The following PFKFB3 variants were observed in gnomAD, a reference collection of about 807,000 sequenced individuals.
The protein encoded by PFKFB3 is 6-phosphofructo-2-kinase/fructose-2,6-biphosphatase 3, also known as 6-phosphofructo-2-kinase/fructose-2,6-bisphosphatase 3.
In PFKFB3, 33 loss-of-function variants were observed where a neutral mutation model predicts 68.0. The ratio of observed to expected loss-of-function variants is 0.49; its 90% CI spans 0.37 to 0.65. The LOEUF (loss-of-function observed/expected upper bound fraction) is 0.65. Among genes scored for constraint, PFKFB3 ranks in the 30% least tolerant of loss-of-function variants. PFKFB3 has a pLI of 0.00. For missense variants in PFKFB3, 586 were observed against 712.2 expected (o/e 0.82, Z 2.02); for synonymous variants, 315 against 288.2 (o/e 1.09, Z -0.94).
the PFKFB3 span, among the ~76,000 whole-genome samples, chr10:6,301,889 T>C: frequency 6.6e-6 from 1 of 152,218 alleles, no homozygotes; most frequent in Non-Finnish European, 1.5e-5. Context: ...TGCTTTATTA[T>C]CTGCTCTGAT....
intron 9 of PFKFB3, 55 bp downstream of exon 9, chr10:6,221,582 C>A: frequency 1.2e-6 from 2 of 1,611,102 alleles, no homozygotes; most frequent in East Asian, 4.5e-5. Context: ...GGCGGCTTCC[C>A]AAGAGGCCCT....
chr10:6,315,632 C>T, the PFKFB3 span, among the ~76,000 whole-genome samples: 3 of 152,312 alleles, frequency 2.0e-5, no homozygotes, highest in South Asian at 6.2e-4. Context: ...TATAGACATG[C>T]ACCGCCATGG....
At chr10:6,259,070 A>T (rs189896056), downstream of PFKFB3, among the ~76,000 whole-genome samples, 189 of 152,260 alleles carry the variant, frequency 1.2e-3, no homozygotes, top group Admixed American at 2.0e-3. Context: ...CCATACACTC[A>T]TCCATCCATA....
chr10:6,212,990 G>C (rs1445573206), intron 1 of PFKFB3, among the ~76,000 whole-genome samples: 1 of 152,006 alleles, frequency 6.6e-6, no homozygotes, highest in African/African-American at 2.4e-5. Context: ...ACTCTCCCTC[G>C]GGAGAGGAAT....
At chr10:6,158,447 G>T (rs912331057) in intron 1 of PFKFB3, among the ~76,000 whole-genome samples, 4 of 152,214 alleles carry the variant, frequency 2.6e-5, no homozygotes, top group African/African-American at 9.6e-5. Flanking sequence ...AAATGAGGAA[G>T]CCTGATGGCT....
At chr10:6,177,404 C>CTTTCTT (rs1564599668) in intron 1 of PFKFB3, among the ~76,000 whole-genome samples, 1 of 135,786 alleles carries the variant, frequency 7.4e-6, no homozygotes, top group Non-Finnish European at 1.6e-5. Flanking sequence ...TTCTTTCTTT[C>CTTTCTT]TTTCTTCTTT....
the PFKFB3 span, among the ~76,000 whole-genome samples, chr10:6,303,598 A>G: frequency 1.1e-4 from 16 of 152,132 alleles, no homozygotes; most frequent in South Asian, 3.3e-3. Context: ...GTGGATTACG[A>G]GGTCAGGAGT....
Position 6,215,458 on chromosome 10 carries a change from T to C in PFKFB3, c.299+141T>C. ...TAAGGCTGGGCTGCGGGGCTGCGGG[T>C]GTAAGGCTGGGCTGCGGGCTTGGGC... On this transcript the variant is annotated intron_variant, in intron 3 of 14. Coordinates refer to ENST00000379775, the MANE Select transcript of PFKFB3 (RefSeq NM_004566.4). The surrounding 1 kb of genome is among the most constrained non-coding windows in gnomAD (Gnocchi z 4.3). The C allele has an allele frequency of 6.1e-6, 4 of 661,156 alleles. No homozygotes were observed. Among genetic ancestry groups the C allele is most frequent in the Non-Finnish European group, 1.1e-5 (4 of 376,348 alleles). 41.0% of individuals were successfully genotyped at this position (661,156 alleles called of 1,614,324 possible).
At chr10:6,260,400 C>T in the PFKFB3 span, among the ~76,000 whole-genome samples, 20 of 118,796 alleles carry the variant, frequency 1.7e-4, no homozygotes, top group African/African-American at 5.2e-4. Context: ...GGCGACAGAG[C>T]GAGACTCCGT....
downstream of PFKFB3, among the ~76,000 whole-genome samples, chr10:6,255,139 C>CT (rs113753232): frequency 3.8e-3 from 474 of 125,078 alleles, 2 homozygotes; most frequent in African/African-American, 0.012. Flanking sequence ...TTTTCTTCTT[C>CT]TTTTTTTTTT....
rs937575939 is a variant in PFKFB3 at position 6,233,970 on chromosome 10, T to C, written c.*1028T>C. ...CGCAGCCACTTCTTCAAGAGCTGCC[T>C]GCACACTGTCTTGGAGCATCTGCCT... On this transcript the variant is annotated 3_prime_UTR_variant, in exon 15 of 15. Coordinates refer to ENST00000379775, the MANE Select transcript of PFKFB3 (RefSeq NM_004566.4). 1.3e-5 allele frequency: 2 copies of C among 152,546 alleles called. No individual in the cohort carries two copies. The highest frequency in any genetic ancestry group is 2.9e-5 in the Non-Finnish European group (2 of 68,138). The allele number at this position is 152,546 out of a possible 1,614,324, so 9.4% of individuals were successfully genotyped here. A position where few individuals can be genotyped will look rare whatever the true frequency, so the allele number is the denominator to read the frequency against.
intron 14 of PFKFB3, among the ~76,000 whole-genome samples, chr10:6,252,969 A>T (rs544565499): frequency 6.6e-6 from 1 of 152,314 alleles, no homozygotes; most frequent in East Asian, 1.9e-4. Context: ...CCCAGGCTAG[A>T]GTGCAGTGGC....
At chr10:6,146,606 T>C in intron 1 of PFKFB3, 1 of 1,118,406 alleles carries the variant, frequency 8.9e-7, no homozygotes, top group East Asian at 2.6e-5. Flanking sequence ...ACTTCATCGC[T>C]TCTGCCCACT....
chr10:6,175,919 T>C (rs1322820406), intron 1 of PFKFB3, among the ~76,000 whole-genome samples: 1 of 152,194 alleles, frequency 6.6e-6, no homozygotes, highest in Non-Finnish European at 1.5e-5. Flanking sequence ...CATACAATCA[T>C]CTTGGCAGCA....
intron 1 of PFKFB3, among the ~76,000 whole-genome samples, chr10:6,192,286 G>T (rs1228940909): frequency 2.0e-5 from 3 of 150,490 alleles, no homozygotes; most frequent in African/African-American, 7.4e-5. Flanking sequence ...CATTGATCCA[G>T]CCCAGCCTGG....
chr10:6,283,614 T>C, the PFKFB3 span, among the ~76,000 whole-genome samples: 5 of 132,934 alleles, frequency 3.8e-5, no homozygotes, highest in South Asian at 1.2e-3. Flanking sequence ...TAAAGCAAGA[T>C]GGAAGCACTG....
chr10:6,204,606 C>A (rs747659511), intron 1 of PFKFB3, among the ~76,000 whole-genome samples: 9 of 152,204 alleles, frequency 5.9e-5, no homozygotes, highest in Non-Finnish European at 1.3e-4. Context: ...CAGGAGAGGT[C>A]TTGTTCCCCC....
At chr10:6,248,915 T>G (rs1242900343) in intron 14 of PFKFB3, among the ~76,000 whole-genome samples, 2 of 152,114 alleles carry the variant, frequency 1.3e-5, no homozygotes, top group African/African-American at 4.8e-5. Flanking sequence ...GGCTCACGCC[T>G]GTAATCCCAG....
chr10:6,262,019 C>CAA, the PFKFB3 span, among the ~76,000 whole-genome samples: 81,374 of 144,392 alleles, frequency 0.56, 23,560 homozygotes, highest in Non-Finnish European at 0.67. Context: ...AAACAAAAAA[C>CAA]AAAAAAAAAA....
Sources: allele counts gnomAD v4.1 joint callset (sites outside exome capture counted in the v4.1 genomes callset), GRCh38; gene constraint gnomAD v4.1.1; non-coding constraint Gnocchi (gnomAD v3.1); transcripts MANE v1.5; gene names NCBI Gene and HGNC (gene_info 2026-07-23, HGNC 2026-07-21).